Variants in RIC3 observed in about 807,000 individuals in gnomAD.
The protein encoded by RIC3 is protein RIC-3.
A neutral mutation model predicts 27.3 loss-of-function variants in RIC3; 28 were observed. That is an observed-to-expected ratio of 1.02 (90% CI 0.76 to 1.41). RIC3 has a LOEUF of 1.41. RIC3 is among the 40% of genes most tolerant of loss of function. The probability of loss-of-function intolerance (pLI) is 0.00; values close to 1 mark genes in which losing one functional copy is unlikely to be tolerated. For synonymous variants in RIC3, 184 were observed against 160.4 expected (o/e 1.15, Z -1.11); for missense variants, 501 against 444.7 (o/e 1.13, Z -1.14).
At chr11:8,151,584 T>TAAAAAAAAAAAAA (rs1362419914) in intron 1 of RIC3, among the ~76,000 whole-genome samples, 1 of 39,844 alleles carries the variant, frequency 2.5e-5, no homozygotes, top group East Asian at 9.7e-4. Context: ...AAACTCCGTC[T>TAAAAAAAAAAAAA]CAAAAAAAAA....
downstream of RIC3, chr11:8,105,193 C>T (rs1275946766): frequency 6.6e-6 from 1 of 152,224 alleles, no homozygotes; most frequent in Admixed American, 6.5e-5. Flanking sequence ...CTTCCCTTCT[C>T]TAATTCCTTA....
At chr11:8,155,190 T>C (rs1191160403) in intron 1 of RIC3, among the ~76,000 whole-genome samples, 1 of 137,540 alleles carries the variant, frequency 7.3e-6, no homozygotes, top group Non-Finnish European at 1.5e-5. Flanking sequence ...CACCGCGTGA[T>C]CAGCCTGGGC....
At chr11:8,115,728 T>C (rs983178454) in intron 5 of RIC3, among the ~76,000 whole-genome samples, 5 of 151,950 alleles carry the variant, frequency 3.3e-5, no homozygotes, top group African/African-American at 7.2e-5. Context: ...CTATAAAACA[T>C]TGATGAAAGA....
At chr11:8,162,609 T>C (rs1269387173) in intron 1 of RIC3, among the ~76,000 whole-genome samples, 1 of 151,488 alleles carries the variant, frequency 6.6e-6, no homozygotes, top group Non-Finnish European at 1.5e-5. Context: ...CTGAGGATAC[T>C]TCAAGGCTCC....
At chr11:8,118,299 C>G (rs1039192103) in intron 5 of RIC3, among the ~76,000 whole-genome samples, 2 of 148,988 alleles carry the variant, frequency 1.3e-5, no homozygotes, top group Non-Finnish European at 3.0e-5. Context: ...TATGAGGAAA[C>G]CAGCAGTTCA....
chr11:8,168,252 GAATT>G (rs1472674981), intron 1 of RIC3, among the ~76,000 whole-genome samples: 21 of 152,150 alleles, frequency 1.4e-4, no homozygotes, highest in African/African-American at 5.1e-4. Flanking sequence ...CAACAACGAA[GAATT>G]AACAGATAAA....
chr11:8,112,485 G>T (rs1371075825), intron 5 of RIC3, among the ~76,000 whole-genome samples: 2 of 151,958 alleles, frequency 1.3e-5, no homozygotes, highest in South Asian at 4.2e-4. Context: ...AGCAGAGACG[G>T]GGTTTCACTA....
downstream of RIC3, chr11:8,101,756 C>T (rs1944317710): frequency 9.8e-6 from 14 of 1,426,552 alleles, no homozygotes; most frequent in Middle Eastern, 2.6e-4. Context: ...CTCCCTGGCC[C>T]AGCCAGCCAG....
intron 5 of RIC3, among the ~76,000 whole-genome samples, chr11:8,123,362 A>G (rs1461454254): frequency 1.3e-5 from 2 of 152,160 alleles, no homozygotes; most frequent in Non-Finnish European, 2.9e-5. Context: ...GAAACTAGAG[A>G]AAGGCAAATT....
intron 1 of RIC3, among the ~76,000 whole-genome samples, chr11:8,141,040 A>G (rs1333508051): frequency 2.0e-5 from 3 of 149,658 alleles, no homozygotes; most frequent in Non-Finnish European, 3.0e-5. Context: ...AGCGCTAAAC[A>G]TGGAAAGGAA....
At chr11:8,097,818 G>T in the RIC3 span, 3 of 1,613,156 alleles carry the variant, frequency 1.9e-6, no homozygotes, top group African/African-American at 4.0e-5. Flanking sequence ...GCTATATCGG[G>T]AAACTGCGGT....
chr11:8,153,348 A>G (rs1950401664), intron 1 of RIC3: 3 of 426,558 alleles, frequency 7.0e-6, no homozygotes, highest in South Asian at 5.2e-5. Flanking sequence ...GACAGGGAGC[A>G]TAGTTACAAT....
At chr11:8,156,348 T>C (rs1030899430) in intron 1 of RIC3, among the ~76,000 whole-genome samples, 1 of 152,218 alleles carries the variant, frequency 6.6e-6, no homozygotes, top group South Asian at 2.1e-4. Flanking sequence ...CCTCCCACTA[T>C]TTCAGTGGAG....
chr11:8,155,612 C>T (rs1024710831), intron 1 of RIC3, among the ~76,000 whole-genome samples: 13 of 152,142 alleles, frequency 8.5e-5, no homozygotes, highest in African/African-American at 2.9e-4. Flanking sequence ...CAAAGTGAAG[C>T]TCTACTTTCC....
At chr11:8,156,441 A>C (rs966574606) in intron 1 of RIC3, among the ~76,000 whole-genome samples, 1 of 152,230 alleles carries the variant, frequency 6.6e-6, no homozygotes, top group African/African-American at 2.4e-5. Context: ...CAAGAATTAC[A>C]GATTAAATAA....
At chr11:8,129,162 ACCT>A (rs1406763869) in intron 4 of RIC3, among the ~76,000 whole-genome samples, 1 of 137,708 alleles carries the variant, frequency 7.3e-6, no homozygotes, top group East Asian at 2.1e-4. Flanking sequence ...TCTGCTTGAA[ACCT>A]CCTCCTCCCT....
In RIC3 at chr11:8,107,816, A is replaced by T. The variant is rs1177223219; in HGVS notation, c.*2882T>A. The T allele has an allele frequency of 6.6e-6, 1 of 152,192 alleles. No homozygotes were observed. Among genetic ancestry groups the T allele is most frequent in the Non-Finnish European group, 1.5e-5 (1 of 68,030 alleles). The allele number at this position is 152,192 out of a possible 1,614,324, so 9.4% of individuals were successfully genotyped here. ...TGTTTTGTGAGCTAACTGTCCATAA[A>T]GGTATGACTTGTGTACTCTGCCACA... On this transcript the variant is annotated 3_prime_UTR_variant, in exon 6 of 6. Transcript: ENST00000309737.
At chr11:8,165,787 GTTT>G (rs796291178) in intron 1 of RIC3, among the ~76,000 whole-genome samples, 1 of 56,538 alleles carries the variant, frequency 1.8e-5, no homozygotes, top group East Asian at 1.1e-3. Context: ...GTTTTGTTTT[GTTT>G]TTTTTTTTGG....
At chr11:8,104,046 G>C (rs1281851587), downstream of RIC3, 3 of 152,262 alleles carry the variant, frequency 2.0e-5, no homozygotes, top group African/African-American at 7.2e-5. Flanking sequence ...GTAGCTGAGT[G>C]CACTCCTGGT....
Sources: allele counts gnomAD v4.1 joint callset (sites outside exome capture counted in the v4.1 genomes callset), GRCh38; gene constraint gnomAD v4.1.1; transcripts MANE v1.5; gene names NCBI Gene and HGNC (gene_info 2026-07-23, HGNC 2026-07-21).